Variants in DENND1A observed in about 807,000 individuals in gnomAD.
The protein encoded by DENND1A is DENN domain-containing protein 1A.
A neutral mutation model predicts 113.7 loss-of-function variants in DENND1A; 51 were observed. That is an observed-to-expected ratio of 0.45 (90% CI 0.36 to 0.57). The LOEUF (loss-of-function observed/expected upper bound fraction) is 0.57. Among genes scored for constraint, DENND1A ranks in the 20% least tolerant of loss-of-function variants. The pLI is 0.00. For missense variants in DENND1A, 1,258 were observed against 1,395.9 expected (o/e 0.90, Z 1.57); for synonymous variants, 565 against 570.8 (o/e 0.99, Z 0.14).
chr9:123,644,321 A>G (rs989705178), intron 9 of DENND1A, among the ~76,000 whole-genome samples: 1 of 128,844 alleles, frequency 7.8e-6, no homozygotes, highest in Non-Finnish European at 1.6e-5. Context: ...ACTTAAGGAT[A>G]TTCTTACACA....
intron 13 of DENND1A, among the ~76,000 whole-genome samples, chr9:123,463,908 C>CAA (rs373633673): frequency 0.71 from 86,779 of 123,012 alleles, 31,422 homozygotes; most frequent in South Asian, 0.78. Flanking sequence ...GACTCCAGCT[C>CAA]AAAAAAAAAA....
chr9:123,606,761 G>C (rs1404092531), intron 11 of DENND1A, among the ~76,000 whole-genome samples: 1 of 152,190 alleles, frequency 6.6e-6, no homozygotes, highest in African/African-American at 2.4e-5. Context: ...ATCCTGTTAG[G>C]TGCTGAGGAC....
At chr9:123,655,961 G>C (rs1284966237) in intron 8 of DENND1A, among the ~76,000 whole-genome samples, 2 of 152,200 alleles carry the variant, frequency 1.3e-5, no homozygotes, top group African/African-American at 4.8e-5. Context: ...AACTAACTGT[G>C]ATCTCCATCT....
intron 1 of DENND1A, among the ~76,000 whole-genome samples, chr9:123,898,599 C>T (rs757802103): frequency 6.6e-6 from 1 of 152,090 alleles, no homozygotes; most frequent in East Asian, 1.9e-4. Flanking sequence ...AAATTACAGG[C>T]GTGAGCCAAC....
At chr9:123,596,580 A>G (rs924379387) in intron 11 of DENND1A, among the ~76,000 whole-genome samples, 3 of 152,194 alleles carry the variant, frequency 2.0e-5, no homozygotes, top group Non-Finnish European at 4.4e-5. Flanking sequence ...ATTTGACCCC[A>G]AAGCCTGGTG....
chr9:123,915,580 A>G (rs73669018), intron 1 of DENND1A, among the ~76,000 whole-genome samples: 12,641 of 152,196 alleles, frequency 0.083, 1,124 homozygotes, highest in African/African-American at 0.22. Context: ...CACAAAATAG[A>G]TAAAATATCA....
intron 10 of DENND1A, among the ~76,000 whole-genome samples, chr9:123,628,066 G>C (rs1457645728): frequency 6.6e-6 from 1 of 152,080 alleles, no homozygotes; most frequent in East Asian, 1.9e-4. Flanking sequence ...ATGGAGCAGA[G>C]ACAGGGACTC....
In DENND1A at chr9:123,668,438, T is replaced by G. The variant is rs551119956; in HGVS notation, c.454-1359A>C. Among the ~76,000 whole-genome samples the G allele has an allele frequency of 1.6e-3, 239 of 152,352 alleles. 2 individuals are homozygous for G. Among genetic ancestry groups the G allele is most frequent in the African/African-American group, 5.4e-3 (226 of 41,582 alleles). On this transcript the variant is annotated intron_variant, in intron 7 of 23. Coordinates refer to ENST00000394215, the MANE Select transcript of DENND1A (RefSeq NM_001352964.2). ...TACCTGCTACATGAAAGGCATTATG[T>G]CTAGTACTCTGTAAATGTTATCTCT...
intron 13 of DENND1A, among the ~76,000 whole-genome samples, chr9:123,473,917 T>C (rs115677307): frequency 0.011 from 1,676 of 151,532 alleles, 32 homozygotes; most frequent in African/African-American, 0.038. Flanking sequence ...GTATTGGCCA[T>C]GGGTTTGCAC....
chr9:123,422,950 C>T lies in DENND1A; in HGVS notation c.1489-11121G>A, dbSNP rs549351214. 3.3e-5 allele frequency among the ~76,000 whole-genome samples: 5 copies of T among 152,328 alleles called. No homozygotes were observed. In the East Asian group the frequency reaches 5.8e-4, roughly 18 times the overall value. On this transcript the variant is annotated intron_variant, in intron 19 of 23. Transcript: ENST00000394215. The surrounding 1 kb of genome is among the most constrained non-coding windows in gnomAD (Gnocchi z 4.8). ...TTATTAAACACCGCCAGGATCCTAA[C>T]GAAGACCAACTGCTGGAAAATCTCA...
chr9:123,538,998 C>CA (rs1490553870), intron 13 of DENND1A, among the ~76,000 whole-genome samples: 1 of 151,502 alleles, frequency 6.6e-6, no homozygotes, highest in East Asian at 1.9e-4. Flanking sequence ...TGAACGCTAA[C>CA]ACTGAGTAAA....
At chr9:123,406,335 C>T (rs1392836924) in intron 20 of DENND1A, among the ~76,000 whole-genome samples, 1 of 152,310 alleles carries the variant, frequency 6.6e-6, no homozygotes, top group Non-Finnish European at 1.5e-5. Context: ...AGCCCGGATA[C>T]AGGGAAAGTC....
At chr9:123,518,527 G>A (rs1468168575) in intron 13 of DENND1A, among the ~76,000 whole-genome samples, 3 of 152,132 alleles carry the variant, frequency 2.0e-5, no homozygotes, top group Admixed American at 2.0e-4. Flanking sequence ...CTCTGGCTCA[G>A]CTAAATGCTG....
rs150779926 is a variant in DENND1A at position 123,427,438 on chromosome 9, C to T, written c.1488+12922G>A. Among the ~76,000 whole-genome samples the T allele has an allele frequency of 1.3e-4, 20 of 152,310 alleles. No homozygotes were observed. The South Asian group carries it at 3.5e-3, about 27-fold the overall frequency. ...AGTCTCCAGAAGCTATCGCAGGCAA[C>T]GGCAGACAGCTGTGCCCATCTCTAC... On this transcript the variant is annotated intron_variant, in intron 19 of 23. Coordinates refer to ENST00000394215, the MANE Select transcript of DENND1A (RefSeq NM_001352964.2).
chr9:123,483,930 A>T (rs2050571050), intron 13 of DENND1A, among the ~76,000 whole-genome samples: 1 of 152,136 alleles, frequency 6.6e-6, no homozygotes, highest in South Asian at 2.1e-4. Flanking sequence ...GTGTTTTTTT[A>T]AAAATGATTT....
chr9:123,808,880 G>T (rs938683446), intron 2 of DENND1A, among the ~76,000 whole-genome samples: 1 of 152,158 alleles, frequency 6.6e-6, no homozygotes, highest in Non-Finnish European at 1.5e-5. Flanking sequence ...CGTCCTATGT[G>T]TTAACCCTAA....
At chr9:123,750,972 C>G (rs185826846) in intron 5 of DENND1A, among the ~76,000 whole-genome samples, 95 of 152,158 alleles carry the variant, frequency 6.2e-4, no homozygotes, top group Admixed American at 1.2e-3. Context: ...TCCCCACAGC[C>G]TTCCTCCCCG....
intron 16 of DENND1A, 96 bp from the exon 17 acceptor site, chr9:123,452,443 C>T (rs2047793397): frequency 1.0e-6 from 1 of 996,244 alleles, no homozygotes; most frequent in African/African-American, 1.6e-5. Flanking sequence ...AGCAACATTT[C>T]AAAGGTATGT....
intron 2 of DENND1A, among the ~76,000 whole-genome samples, chr9:123,839,960 T>A (rs1229648450): frequency 1.3e-5 from 2 of 152,190 alleles, no homozygotes; most frequent in Non-Finnish European, 2.9e-5. Context: ...AGTTGCATAC[T>A]CCCAAATATT....
Sources: gnomAD v4.1 joint callset for allele counts (sites outside exome capture counted in the v4.1 genomes callset) on GRCh38, gnomAD v4.1.1 for gene constraint, Gnocchi (gnomAD v3.1) non-coding constraint, MANE v1.5 for transcripts, NCBI Gene and HGNC (gene_info 2026-07-23, HGNC 2026-07-21) for gene names.